The following MYO3A variants were observed in gnomAD, a reference collection of about 807,000 sequenced individuals.
The protein encoded by MYO3A is myosin IIIA, also known as myosin-IIIa.
A neutral mutation model predicts 192.7 loss-of-function variants in MYO3A; 180 were observed. The observed-to-expected ratio is 0.93, with a 90% CI of 0.83 to 1.06. MYO3A has a LOEUF of 1.06. Among genes scored for constraint, MYO3A ranks in the 50% least tolerant of loss-of-function variants. The pLI, the probability that MYO3A is intolerant of heterozygous loss-of-function variation, is 0.00. For missense variants in MYO3A, 1,896 were observed against 1,905.0 expected (o/e 1.00, Z 0.09); for synonymous variants, 628 against 645.3 (o/e 0.97, Z 0.41).
At position 26,173,846 on chromosome 10, in the gene MYO3A, T is replaced by G. The variant is rs776315151; in HGVS notation, c.3582T>G (p.Asn1194Lys). The G allele has an allele frequency of 5.0e-6, 8 of 1,613,882 alleles. No individual in the cohort carries two copies. The highest frequency in any genetic ancestry group is 5.9e-6 in the Non-Finnish European group (7 of 1,179,988). ...ATCAGACTCCAAAAAAAATGAATAA[T>G]GTGTATGAGGAAGAGGTTAAGCAAG... ...RVYQTPKKMNNVYEEEVKQEF... is the reference protein window; with the variant it reads ...RVYQTPKKMNKVYEEEVKQEF... The change falls in exon 30 of 35, where the codon AAT becomes AAG. Residue 1194 changes from asparagine to lysine, a missense_variant. Transcript: ENST00000642920.
intron 4 of MYO3A, among the ~76,000 whole-genome samples, chr10:25,961,350 G>T (rs1209154785): frequency 6.6e-6 from 1 of 152,092 alleles, no homozygotes; most frequent in African/African-American, 2.4e-5. Flanking sequence ...CTGGAATTAG[G>T]AGACAGTTGG....
intron 10 of MYO3A, among the ~76,000 whole-genome samples, chr10:26,030,030 T>C (rs1006199271): frequency 2.0e-5 from 3 of 152,192 alleles, no homozygotes; most frequent in African/African-American, 7.2e-5. Context: ...CTCTCCATCC[T>C]GCCATCTCAA....
intron 6 of MYO3A, among the ~76,000 whole-genome samples, chr10:26,003,113 A>T (rs183621270): frequency 3.3e-5 from 5 of 152,334 alleles, no homozygotes; most frequent in African/African-American, 9.6e-5. Flanking sequence ...CACATCTACA[A>T]GTGTGAAAAA....
rs535281701 is a variant in MYO3A, at chr10:26,052,164, G to A, written c.954-14811G>A. Among the ~76,000 whole-genome samples, 18 of 152,188 alleles carry A rather than the reference G, an allele frequency of 1.2e-4. No individual in the cohort carries two copies. In the South Asian group the frequency reaches 3.5e-3, roughly 30 times the overall value. ...GAGATTTAGAATAAATTAAGGGTGT[G>A]GGTACACAAGTACATACATAGCTAA... On this transcript the variant is annotated intron_variant, in intron 10 of 34. Transcript: ENST00000642920.
intron 31 of MYO3A, among the ~76,000 whole-genome samples, chr10:26,182,759 T>G (rs1269565709): frequency 1.3e-5 from 2 of 152,202 alleles, no homozygotes; most frequent in Non-Finnish European, 2.9e-5. Flanking sequence ...TAAACATGTA[T>G]TTTGGTTGTT....
At position 26,021,593 on chromosome 10, in the gene MYO3A, G is replaced by A. The variant is rs1481730950; in HGVS notation, c.676G>A (p.Gly226Arg). The stretch of plus-strand genomic sequence containing the variant: ...TATCACGGCCATTGAGCTGGGTGAT[G>A]GAGATCCTCCACTAGCTGACCTTCA... The part of the protein sequence containing the change: ...LGITAIELGD[G>R]DPPLADLHPM... Residue 226 changes from glycine to arginine, a missense_variant, in exon 8 of 35, where the codon GGA becomes AGA. Physicochemically the swap from Gly to Arg is moderately radical, Grantham distance 125. Coordinates refer to ENST00000642920, the MANE Select transcript of MYO3A (RefSeq NM_017433.5). 1.2e-6 allele frequency: 2 copies of A among 1,613,998 alleles called. No homozygotes were observed. The highest frequency in any genetic ancestry group is 1.7e-5 in the Admixed American group (1 of 59,986).
intron 33 of MYO3A, among the ~76,000 whole-genome samples, chr10:26,202,365 C>G (rs1843716304): frequency 6.6e-6 from 1 of 152,214 alleles, no homozygotes; most frequent in East Asian, 1.9e-4. Flanking sequence ...AGTCCCAGAG[C>G]ACCATAGGAA....
intron 29 of MYO3A, among the ~76,000 whole-genome samples, chr10:26,172,471 A>G (rs779689804): frequency 6.6e-6 from 1 of 152,374 alleles, no homozygotes; most frequent in Non-Finnish European, 1.5e-5. Flanking sequence ...GAGCCCAGAC[A>G]TGTAACTGAT....
chr10:26,211,712 G>T (rs146601551), intron 34 of MYO3A, 131 bp from the exon 35 acceptor site: 155 of 1,410,550 alleles, frequency 1.1e-4, no homozygotes, highest in Middle Eastern at 2.3e-4. Context: ...CAGTCGTTTC[G>T]ATTGTGCCTT....
rs1177656701 is a variant in MYO3A at position 26,153,877 on chromosome 10, A to G, written c.2663A>G (p.Asn888Ser). 2.5e-6 allele frequency: 4 copies of G among 1,590,362 alleles called. No individual in the cohort carries two copies. Among genetic ancestry groups the G allele is most frequent in the Non-Finnish European group, 3.5e-6 (4 of 1,158,830 alleles). ...AATCTGCCACATTCTAAAACTAAAA[A>G]TGTTATAAACTATCAAATGAGGACT... The part of the protein sequence containing the change: ...TGNLPHSKTK[N>S]VINYQMRTSE... The change falls in exon 24 of 35, where the codon AAT becomes AGT. Residue 888 changes from asparagine to serine, a missense_variant. Physicochemically the swap from Asn to Ser is conservative, Grantham distance 46 (BLOSUM62 1). Coordinates refer to ENST00000642920, the MANE Select transcript of MYO3A (RefSeq NM_017433.5).
chr10:26,140,527 T>A (rs1840090693), intron 20 of MYO3A, among the ~76,000 whole-genome samples: 1 of 151,576 alleles, frequency 6.6e-6, no homozygotes, highest in Non-Finnish European at 1.5e-5. Flanking sequence ...CTACTAAAAG[T>A]ACAAAAATTA....
At chr10:26,043,110 G>A (rs1379718063) in intron 10 of MYO3A, among the ~76,000 whole-genome samples, 1 of 151,560 alleles carries the variant, frequency 6.6e-6, no homozygotes, top group Non-Finnish European at 1.5e-5. Context: ...TTGCCAAGCA[G>A]AGACTTTTGT....
intron 32 of MYO3A, among the ~76,000 whole-genome samples, chr10:26,199,962 C>T (rs1016884429): frequency 3.3e-5 from 5 of 152,152 alleles, no homozygotes; most frequent in Non-Finnish European, 5.9e-5. Context: ...GCACCCCAGT[C>T]CCGGAGATCA....
At chr10:26,099,429 C>G (rs1837286271) in intron 17 of MYO3A, among the ~76,000 whole-genome samples, 1 of 152,154 alleles carries the variant, frequency 6.6e-6, no homozygotes, top group Non-Finnish European at 1.5e-5. Flanking sequence ...TTGCCCTGGC[C>G]AGAACTTCCA....
rs774350295 is a variant in MYO3A at position 26,174,567 on chromosome 10, TA to T, written c.4293+13del. The T allele has an allele frequency of 2.5e-6, 4 of 1,604,990 alleles. No individual in the cohort carries two copies. The Admixed American group carries it at 5.0e-5, about 20-fold the overall frequency. ...AATTTTTTCAAAACAGGTATGTGAA[TA>T]AATAAATTTATTTACTAATAAAAGT... On this transcript the variant is annotated intron_variant, in intron 30 of 34. Transcript: ENST00000642920.
intron 15 of MYO3A, 25 bp downstream of exon 15, chr10:26,088,430 A>G (rs764518889): frequency 2.3e-5 from 37 of 1,594,016 alleles, no homozygotes; most frequent in Non-Finnish European, 2.6e-5. Context: ...AATCTCTCCT[A>G]TTTTGGAGGA....
chr10:26,007,131 C>A (rs1564453228), intron 6 of MYO3A, among the ~76,000 whole-genome samples: 1 of 148,354 alleles, frequency 6.7e-6, no homozygotes, highest in South Asian at 2.1e-4. Context: ...AGACAAAAAC[C>A]ACATGATTAT....
At chr10:26,051,662 TA>T (rs1327885100) in intron 10 of MYO3A, among the ~76,000 whole-genome samples, 2 of 151,278 alleles carry the variant, frequency 1.3e-5, no homozygotes, top group Non-Finnish European at 2.9e-5. Context: ...AGATGATTGA[TA>T]GCGGCTTGCC....
intron 27 of MYO3A, among the ~76,000 whole-genome samples, chr10:26,168,439 C>G (rs1401505351): frequency 1.3e-5 from 2 of 152,186 alleles, no homozygotes; most frequent in East Asian, 3.8e-4. Flanking sequence ...AAGAGCTCAA[C>G]ATCCTCCACT....
Sources: gnomAD v4.1 joint callset for allele counts (sites outside exome capture counted in the v4.1 genomes callset) on GRCh38, gnomAD v4.1.1 for gene constraint, MANE v1.5 for transcripts, NCBI Gene and HGNC (gene_info 2026-07-23, HGNC 2026-07-21) for gene names.